Variants in COQ2 observed in about 807,000 individuals in gnomAD.
COQ2 encodes the protein coenzyme Q2, polyprenyltransferase.
Under a neutral mutation model 35.7 loss-of-function variants are expected in COQ2, and 25 were observed. The observed-to-expected ratio is 0.70, with a 90% CI of 0.51 to 0.98. The LOEUF is 0.98. Among genes scored for constraint, COQ2 ranks in the 50% least tolerant of loss-of-function variants. The pLI is 0.00. For synonymous variants in COQ2, 206 were observed against 186.2 expected (o/e 1.11, Z -0.86); for missense variants, 488 against 473.5 (o/e 1.03, Z -0.28).
chr4:83,282,557 G>T, intron 1 of COQ2: 1 of 912,712 alleles, frequency 1.1e-6, no homozygotes, highest in Non-Finnish European at 1.3e-6. Flanking sequence ...AACCATGCAG[G>T]CTGGTATCTT....
At chr4:83,269,814 A>C in intron 5 of COQ2, 46 bp downstream of exon 5, 2 of 1,441,586 alleles carry the variant, frequency 1.4e-6, no homozygotes, top group Non-Finnish European at 1.8e-6. Flanking sequence ...GGTTCTTTAA[A>C]AACAGCAACA....
At chr4:83,282,287 G>A (rs1395948596) in intron 1 of COQ2, among the ~76,000 whole-genome samples, 1 of 152,144 alleles carries the variant, frequency 6.6e-6, no homozygotes, top group Non-Finnish European at 1.5e-5. Context: ...AAGCTGTATT[G>A]CCTTCTCAAA....
chr4:83,270,650 A>T (rs572192401), intron 4 of COQ2, among the ~76,000 whole-genome samples: 2 of 151,982 alleles, frequency 1.3e-5, no homozygotes, highest in African/African-American at 4.8e-5. Flanking sequence ...CTCCTGTATT[A>T]CCTATTTCCA....
intron 2 of COQ2, 48 bp from the exon 3 acceptor site, chr4:83,273,665 A>G: frequency 6.3e-7 from 1 of 1,577,920 alleles, no homozygotes; most frequent in Non-Finnish European, 8.6e-7. Flanking sequence ...TGACTCAATC[A>G]TTTATTTAAA....
rs1490496724 is a variant in COQ2 at position 83,264,573 on chromosome 4, G to A, written c.952-210C>T. On this transcript the variant is annotated intron_variant, in intron 6 of 6. Transcript: ENST00000647002. ...GATTGCTTGAGGCCAAGAGGTCAAG[G>A]CTGCAATAAGCCATGATCACCCTAC... Among the ~76,000 whole-genome samples, 3 of 152,060 alleles carry A rather than the reference G, an allele frequency of 2.0e-5. No individual in the cohort carries two copies. In the East Asian group the frequency reaches 5.8e-4, roughly 29 times the overall value.
At chr4:83,273,009 C>T (rs565583777) in intron 3 of COQ2, among the ~76,000 whole-genome samples, 4 of 152,148 alleles carry the variant, frequency 2.6e-5, no homozygotes, top group Non-Finnish European at 4.4e-5. Context: ...ACAAAAGTTT[C>T]GTTTTGTCTT....
intron 6 of COQ2, among the ~76,000 whole-genome samples, chr4:83,264,828 C>A (rs72650597): frequency 0.04 from 6,086 of 152,260 alleles, 117 homozygotes; most frequent in Non-Finnish European, 0.048. Context: ...CCCTGCAACT[C>A]CTACCCTCCA....
At chr4:83,282,102 A>G (rs1328412370) in intron 1 of COQ2, among the ~76,000 whole-genome samples, 1 of 152,208 alleles carries the variant, frequency 6.6e-6, no homozygotes, top group African/African-American at 2.4e-5. Flanking sequence ...TCTATGGGAG[A>G]TGAAATAAAA....
At chr4:83,285,120 T>C (rs1735441820), upstream of COQ2, among the ~76,000 whole-genome samples, 1 of 151,892 alleles carries the variant, frequency 6.6e-6, no homozygotes, top group Admixed American at 6.6e-5. Flanking sequence ...TTCTGTAAAA[T>C]AGAATAAGTG....
chr4:83,284,121 TGAA>T, intron 1 of COQ2: 1 of 985,418 alleles, frequency 1.0e-6, no homozygotes, highest in Non-Finnish European at 1.2e-6. Flanking sequence ...TTCTAATAAA[TGAA>T]GGAGGGCCAC....
chr4:83,284,555 G>A lies in COQ2; in HGVS notation c.210C>T (p.Pro70=), dbSNP rs887627786. 1.9e-6 allele frequency: 3 copies of A among 1,569,666 alleles called. No homozygotes were observed. Among genetic ancestry groups the A allele is most frequent in the Admixed American group, 1.8e-5 (1 of 54,108 alleles). The change falls in exon 1 of 7, where the codon CCC becomes CCT. Residue 70 remains proline, a synonymous_variant. Transcript: ENST00000647002. ...GCATGAGGCGCAAGTACGGCTGCAG[G>A]GGGCGGGGCGCAGAGTCCACCACCG... is the stretch of plus-strand genomic sequence containing the variant. ...AAAVVDSAPR[P]LQPYLRLMRL...
intron 3 of COQ2, among the ~76,000 whole-genome samples, chr4:83,272,485 G>A (rs760703600): frequency 6.6e-6 from 1 of 152,158 alleles, no homozygotes; most frequent in Non-Finnish European, 1.5e-5. Flanking sequence ...CAAAAGGCAG[G>A]TATTATAATA....
upstream of COQ2, chr4:83,284,871 T>G: frequency 6.5e-7 from 1 of 1,529,538 alleles, no homozygotes; most frequent in Non-Finnish European, 8.7e-7. Flanking sequence ...GGCGGCGGTG[T>G]GGGCAGAACC....
intron 6 of COQ2, among the ~76,000 whole-genome samples, chr4:83,265,705 C>T (rs1734901422): frequency 6.6e-6 from 1 of 152,040 alleles, no homozygotes; most frequent in African/African-American, 2.4e-5. Flanking sequence ...CTTCTGTCAC[C>T]CAGGCTGGAG....
In COQ2 at chr4:83,276,226, C is replaced by T. The variant is rs531844075; in HGVS notation, c.421-2609G>A. Among the ~76,000 whole-genome samples the T allele has an allele frequency of 5.3e-5, 8 of 151,638 alleles. No homozygotes were observed. In the South Asian group the frequency reaches 6.2e-4, roughly 12 times the overall value. ...CTTTTGAAAAATGTCTGTTCATGTG[C>T]GTTGCCTACTTTTTAATGGGGTTAT... is the stretch of plus-strand genomic sequence containing the variant. On this transcript the variant is annotated intron_variant, in intron 2 of 6. Coordinates refer to ENST00000647002, the MANE Select transcript of COQ2 (RefSeq NM_001358921.2).
chr4:83,271,080 C>T (rs1735036467), intron 4 of COQ2, among the ~76,000 whole-genome samples: 1 of 152,094 alleles, frequency 6.6e-6, no homozygotes, highest in South Asian at 2.1e-4. Flanking sequence ...ATTCAAAGAA[C>T]TAGAATCATT....
At chr4:83,270,366 T>C (rs1735020610) in intron 4 of COQ2, among the ~76,000 whole-genome samples, 1 of 152,174 alleles carries the variant, frequency 6.6e-6, no homozygotes, top group Non-Finnish European at 1.5e-5. Context: ...CAAAAACCCA[T>C]GTTCTTTCTG....
chr4:83,284,130 G>A, intron 1 of COQ2: 1 of 984,992 alleles, frequency 1.0e-6, no homozygotes, highest in Non-Finnish European at 1.2e-6. Context: ...ATGAAGGAGG[G>A]CCACGAGAAC....
At chr4:83,267,188 C>CA in intron 6 of COQ2, 1 of 453,544 alleles carries the variant, frequency 2.2e-6, no homozygotes, top group South Asian at 1.6e-5. Context: ...CCAGCCTGGG[C>CA]AAAATCTCAA....
Sources: gnomAD v4.1 joint callset for allele counts (sites outside exome capture counted in the v4.1 genomes callset) on GRCh38, gnomAD v4.1.1 for gene constraint, MANE v1.5 for transcripts, NCBI Gene and HGNC (gene_info 2026-07-23, HGNC 2026-07-21) for gene names.